BCL11B: variants seen among roughly 807,000 people sequenced by gnomAD.
BCL11B encodes the protein BCL11 transcription factor B, also known as B-cell lymphoma/leukemia 11B.
Under a neutral mutation model 49.9 loss-of-function variants are expected in BCL11B, and 8 were observed. The ratio of observed to expected loss-of-function variants is 0.16; its 90% CI spans 0.09 to 0.29. BCL11B has a LOEUF of 0.29. BCL11B is among the 10% of genes least tolerant of loss of function. The pLI is 1.00. For missense variants in BCL11B, 1,006 were observed against 1,351.0 expected, an observed-to-expected ratio of 0.74 and a Z score of 4.00; for synonymous variants, 739 against 637.4, an observed-to-expected ratio of 1.16 and a Z score of -2.40.
At chr14:99,271,052 G>A in intron 1 of BCL11B, 109 bp downstream of exon 1, 1 of 1,168,108 alleles carries the variant, frequency 8.6e-7, no homozygotes, top group East Asian at 3.2e-5. Flanking sequence ...CCAGCCAGCG[G>A]GCGGCCCCGG....
intron 3 of BCL11B, among the ~76,000 whole-genome samples, chr14:99,202,317 G>A (rs1172005385): frequency 6.6e-6 from 1 of 152,124 alleles, no homozygotes; most frequent in African/African-American, 2.4e-5. Flanking sequence ...AGGATCACTT[G>A]TTTCTGGTGA....
chr14:99,249,847 G>T (rs1168001717), intron 2 of BCL11B, among the ~76,000 whole-genome samples: 1 of 152,072 alleles, frequency 6.6e-6, no homozygotes, highest in Non-Finnish European at 1.5e-5. Flanking sequence ...TTAACATCAG[G>T]CTGGGTGCGG....
rs1342713927 is a variant in BCL11B at position 99,247,478 on chromosome 14, G to A, written c.427+9993C>T. Among the ~76,000 whole-genome samples, 1 of 152,190 alleles carries A rather than the reference G, an allele frequency of 6.6e-6. No individual in the cohort carries two copies. Among genetic ancestry groups the A allele is most frequent in the East Asian group, 1.9e-4 (1 of 5,190 alleles). On this transcript the variant is annotated intron_variant, in intron 2 of 3. Transcript: ENST00000357195. The surrounding 1 kb of genome is among the most constrained non-coding windows in gnomAD (Gnocchi z 4.5). Reference sequence around the variant, plus strand: ...ACAGAGAAGAATTCAGACAGTTGTTGTCTCTCTGAGCCCAGGACAGCCAGT... The same window carrying A: ...ACAGAGAAGAATTCAGACAGTTGTTATCTCTCTGAGCCCAGGACAGCCAGT...
chr14:99,197,515 A>G (rs2139810638), intron 3 of BCL11B, among the ~76,000 whole-genome samples: 1 of 152,200 alleles, frequency 6.6e-6, no homozygotes, highest in Non-Finnish European at 1.5e-5. Flanking sequence ...TTCACAAGGC[A>G]AGCCTCTCAT....
In BCL11B at chr14:99,248,322, G is replaced by T. The variant is rs1438826285; in HGVS notation, c.427+9149C>A. On this transcript the variant is annotated intron_variant, in intron 2 of 3. Coordinates refer to ENST00000357195, the MANE Select transcript of BCL11B (RefSeq NM_138576.4). This position sits in a 1 kb window ranked among gnomAD's most constrained non-coding sequence, Gnocchi z 4.7. ...CGGGTGCCTTGCCTTCTCCAGCAAG[G>T]CCTCTTCTTCCCTGGGTCCAACTCG... 6.6e-6 allele frequency among the ~76,000 whole-genome samples: 1 copy of T among 152,144 alleles called. No homozygotes were observed. Among genetic ancestry groups the T allele is most frequent in the East Asian group, 1.9e-4 (1 of 5,188 alleles).
At chr14:99,269,588 T>C (rs1001473957) in intron 1 of BCL11B, among the ~76,000 whole-genome samples, 7 of 150,998 alleles carry the variant, frequency 4.6e-5, no homozygotes, top group South Asian at 2.1e-4. Flanking sequence ...AAAGGAGAGA[T>C]GGCAACAGCA....
chr14:99,212,091 C>A (rs949441764), intron 3 of BCL11B, among the ~76,000 whole-genome samples: 1 of 152,162 alleles, frequency 6.6e-6, no homozygotes, highest in Non-Finnish European at 1.5e-5. Context: ...ATCATCCCTA[C>A]ACTTTGTCTT....
rs568121109 is a variant in BCL11B, at chr14:99,207,736, G to A, written c.640+23609C>T. ...ACAGGAGCTCCCTCGGCTGCCTGGGGATGCCCAGGGCTTGCTGGGCAGAGT... is the reference window on the plus strand; with the variant it reads ...ACAGGAGCTCCCTCGGCTGCCTGGGAATGCCCAGGGCTTGCTGGGCAGAGT... On this transcript the variant is annotated intron_variant, in intron 3 of 3. Coordinates refer to ENST00000357195, the MANE Select transcript of BCL11B (RefSeq NM_138576.4). Among the ~76,000 whole-genome samples the A allele has an allele frequency of 2.6e-5, 4 of 152,314 alleles. No homozygotes were observed. In the South Asian group the frequency reaches 6.2e-4, roughly 24 times the overall value.
intron 3 of BCL11B, among the ~76,000 whole-genome samples, chr14:99,176,495 C>T (rs1886537732): frequency 6.6e-6 from 1 of 152,246 alleles, no homozygotes; most frequent in African/African-American, 2.4e-5. Flanking sequence ...ATCTCCATTA[C>T]CTCCGAGGCC....
intron 2 of BCL11B, among the ~76,000 whole-genome samples, chr14:99,253,631 C>G (rs1021968518): frequency 1.3e-5 from 2 of 152,118 alleles, no homozygotes; most frequent in African/African-American, 4.8e-5. Context: ...TGTTCTTTCC[C>G]ACACAGCAAC....
At chr14:99,208,840 T>A (rs923634338) in intron 3 of BCL11B, among the ~76,000 whole-genome samples, 2 of 152,138 alleles carry the variant, frequency 1.3e-5, no homozygotes, top group Non-Finnish European at 2.9e-5. Context: ...ACGACACTGA[T>A]ACCAGGATAC....
chr14:99,222,614 T>A (rs1383068164), intron 3 of BCL11B, among the ~76,000 whole-genome samples: 1 of 152,218 alleles, frequency 6.6e-6, no homozygotes, highest in Non-Finnish European at 1.5e-5. Flanking sequence ...CAAAACTGCC[T>A]TCTGGTGGAC....
intron 3 of BCL11B, among the ~76,000 whole-genome samples, chr14:99,201,065 C>G (rs1887367328): frequency 6.6e-6 from 1 of 152,204 alleles, no homozygotes; most frequent in Non-Finnish European, 1.5e-5. Context: ...ACAGCACCCC[C>G]CACCAGGCCT....
chr14:99,200,414 G>T (rs1002568898), intron 3 of BCL11B, among the ~76,000 whole-genome samples: 22 of 152,360 alleles, frequency 1.4e-4, no homozygotes, highest in Middle Eastern at 3.4e-3. Flanking sequence ...GGAGCCAGGG[G>T]ACATGAGCAG....
chr14:99,252,664 C>A (rs1233424245), intron 2 of BCL11B, among the ~76,000 whole-genome samples: 1 of 152,250 alleles, frequency 6.6e-6, no homozygotes, highest in Non-Finnish European at 1.5e-5. Context: ...CACCTCCAAG[C>A]CCAGAGGGAT....
intron 1 of BCL11B, among the ~76,000 whole-genome samples, chr14:99,266,673 GGAA>G (rs1889491621): frequency 6.6e-6 from 1 of 152,196 alleles, no homozygotes; most frequent in African/African-American, 2.4e-5. Context: ...CGCTGCTGAT[GGAA>G]GCCCGTTCCT....
chr14:99,204,192 C>T (rs1887468202), intron 3 of BCL11B, among the ~76,000 whole-genome samples: 1 of 152,188 alleles, frequency 6.6e-6, no homozygotes, highest in Non-Finnish European at 1.5e-5. Flanking sequence ...CACCTGTGAA[C>T]CCATCTCTGG....
intron 3 of BCL11B, among the ~76,000 whole-genome samples, chr14:99,190,980 C>T (rs1340929137): frequency 6.6e-6 from 1 of 152,102 alleles, no homozygotes; most frequent in Non-Finnish European, 1.5e-5. Flanking sequence ...TAAAATCTAA[C>T]AATGGGAATT....
intron 2 of BCL11B, among the ~76,000 whole-genome samples, chr14:99,243,672 G>A (rs994406939): frequency 1.3e-5 from 2 of 152,052 alleles, no homozygotes; most frequent in African/African-American, 2.4e-5. Flanking sequence ...GGCCCCTGAC[G>A]CTCCAGCAAC....
Sources: gnomAD v4.1 joint callset for allele counts (sites outside exome capture counted in the v4.1 genomes callset) on GRCh38, gnomAD v4.1.1 for gene constraint, Gnocchi (gnomAD v3.1) non-coding constraint, MANE v1.5 for transcripts, NCBI Gene and HGNC (gene_info 2026-07-23, HGNC 2026-07-21) for gene names.